The following SLIT3 variants were observed in gnomAD, a reference collection of about 807,000 sequenced individuals.
SLIT3 encodes the protein slit guidance ligand 3.
Under a neutral mutation model 184.0 loss-of-function variants are expected in SLIT3, and 68 were observed. That is an observed-to-expected ratio of 0.37 (90% CI 0.30 to 0.45). SLIT3 has a LOEUF of 0.45. Ranked by LOEUF, SLIT3 falls within the 20% of genes least tolerant of loss-of-function variation. SLIT3 has a pLI of 1.00. For synonymous variants in SLIT3, 831 were observed against 828.6 expected (o/e 1.00, Z -0.05); for missense variants, 1,707 against 2,026.0 (o/e 0.84, Z 3.02).
intron 4 of SLIT3, among the ~76,000 whole-genome samples, chr5:169,181,274 G>T (rs1325749160): frequency 2.0e-5 from 3 of 152,150 alleles, no homozygotes; most frequent in Non-Finnish European, 4.4e-5. Context: ...TTCTCCTATA[G>T]AGAGGTTTTG....
At chr5:168,740,410 A>G (rs558465053) in intron 20 of SLIT3, among the ~76,000 whole-genome samples, 2 of 152,214 alleles carry the variant, frequency 1.3e-5, no homozygotes, top group Non-Finnish European at 2.9e-5. Context: ...TGCCCTTTAG[A>G]GAAATGCTGG....
chr5:168,736,739 A>AGTGCCTGGGCT (rs1561901574), intron 20 of SLIT3, among the ~76,000 whole-genome samples: 27 of 151,574 alleles, frequency 1.8e-4, no homozygotes, highest in African/African-American at 5.6e-4. Flanking sequence ...TGCAATGCAG[A>AGTGCCTGGGCT]TGTCAGTTTT....
rs915685784 is a variant in SLIT3 at position 168,843,142 on chromosome 5, G to A, written c.557+1442C>T. On this transcript the variant is annotated intron_variant, in intron 6 of 35. Coordinates refer to ENST00000519560, the MANE Select transcript of SLIT3 (RefSeq NM_003062.4). ...GTGGGTCCTGTCTTTTCTGGACCGG[G>A]AATTCTCGGCTTTCATCCGATTTCA... 3.3e-5 allele frequency among the ~76,000 whole-genome samples: 5 copies of A among 152,104 alleles called. No individual in the cohort carries two copies. The East Asian group carries it at 5.8e-4, about 18-fold the overall frequency.
rs111563661 is a variant in SLIT3 at position 169,164,080 on chromosome 5, G to A, written c.413+29399C>T. On this transcript the variant is annotated intron_variant, in intron 4 of 35. Transcript: ENST00000519560. ...TGATTTATGTTCTGGAAGGATGTTC[G>A]CAAATCAACATGTTTTGTCTGCTCC... is the stretch of plus-strand genomic sequence containing the variant. Among the ~76,000 whole-genome samples the A allele has an allele frequency of 6.7e-3, 1,019 of 152,266 alleles. 13 individuals are homozygous for A. Among genetic ancestry groups the A allele is most frequent in the Non-Finnish European group, 9.3e-3 (632 of 68,024 alleles).
intron 1 of SLIT3, among the ~76,000 whole-genome samples, chr5:169,280,558 T>C (rs11134568): frequency 0.86 from 131,067 of 152,174 alleles, 56,699 homozygotes; most frequent in Middle Eastern, 0.96. Context: ...AGGAAAAATG[T>C]AGTCTGGGAA....
intron 23 of SLIT3, among the ~76,000 whole-genome samples, chr5:168,713,624 G>A (rs1006930669): frequency 1.3e-4 from 20 of 152,214 alleles, no homozygotes; most frequent in Non-Finnish European, 2.8e-4. Flanking sequence ...TGTTGACAGT[G>A]GAAGTACAGA....
chr5:169,151,281 G>A (rs894786770), intron 4 of SLIT3, among the ~76,000 whole-genome samples: 1 of 152,200 alleles, frequency 6.6e-6, no homozygotes, highest in African/African-American at 2.4e-5. Context: ...GCCTGGGAGT[G>A]TATTTCCCTC....
intron 18 of SLIT3, chr5:168,752,556 G>T: frequency 5.5e-6 from 1 of 183,356 alleles, no homozygotes; most frequent in Non-Finnish European, 1.1e-5. Context: ...CACCATAACT[G>T]GCTAACTTTT....
chr5:168,838,808 G>A (rs138294397), intron 6 of SLIT3, among the ~76,000 whole-genome samples: 4 of 151,992 alleles, frequency 2.6e-5, no homozygotes, highest in South Asian at 4.2e-4. Flanking sequence ...ATCAGGCCAC[G>A]TTGAACCCAC....
chr5:168,904,454 T>C (rs144883988), intron 4 of SLIT3, among the ~76,000 whole-genome samples: 157 of 151,794 alleles, frequency 1.0e-3, no homozygotes, highest in African/African-American at 3.6e-3. Context: ...CTCTCCTCTG[T>C]GGGGCTAATC....
rs114505699 is a variant in SLIT3 at position 168,950,891 on chromosome 5, T to C, written c.414-67555A>G. ...GTGTCGGATTCCATAAGTTGCATAC[T>C]AGCCTTCACAATTCGATATATAAAT... On this transcript the variant is annotated intron_variant, in intron 4 of 35. Coordinates refer to ENST00000519560, the MANE Select transcript of SLIT3 (RefSeq NM_003062.4). Among the ~76,000 whole-genome samples, 714 of 152,320 alleles carry C rather than the reference T, an allele frequency of 4.7e-3. 8 individuals carry two copies. Among genetic ancestry groups the C allele is most frequent in the African/African-American group, 0.016 (665 of 41,576 alleles).
intron 16 of SLIT3, among the ~76,000 whole-genome samples, chr5:168,757,724 C>T (rs908550771): frequency 1.3e-5 from 2 of 152,152 alleles, no homozygotes; most frequent in South Asian, 2.1e-4. Context: ...CGTGAGCCAC[C>T]GTGCCCAACC....
At chr5:169,046,161 T>C (rs1757616278) in intron 4 of SLIT3, among the ~76,000 whole-genome samples, 1 of 152,084 alleles carries the variant, frequency 6.6e-6, no homozygotes, top group African/African-American at 2.4e-5. Flanking sequence ...TTTTGTGCTT[T>C]GGTATAGGTA....
chr5:168,905,721 A>G (rs1235152835), intron 4 of SLIT3, among the ~76,000 whole-genome samples: 1 of 152,230 alleles, frequency 6.6e-6, no homozygotes, highest in Non-Finnish European at 1.5e-5. Flanking sequence ...GTCTGCCTCC[A>G]GAAACTCGTA....
At chr5:169,133,422 G>A (rs1761376665) in intron 4 of SLIT3, among the ~76,000 whole-genome samples, 1 of 152,202 alleles carries the variant, frequency 6.6e-6, no homozygotes, top group African/African-American at 2.4e-5. Flanking sequence ...CCGTTGAGCT[G>A]TGTCATCTAT....
At chr5:168,855,112 C>T (rs781332609) in intron 5 of SLIT3, among the ~76,000 whole-genome samples, 2 of 152,060 alleles carry the variant, frequency 1.3e-5, no homozygotes, top group Non-Finnish European at 2.9e-5. Flanking sequence ...TGTACCTGGC[C>T]CACAGTGCCT....
Position 168,666,651 on chromosome 5 carries a change from G to A in SLIT3, c.4375C>T (p.Arg1459Cys), listed in dbSNP as rs762039118. 32 of 1,614,154 alleles carry A rather than the reference G, an allele frequency of 2.0e-5. No individual in the cohort carries two copies. The East Asian group carries it at 4.0e-4, about 20-fold the overall frequency. Residue 1459 changes from arginine to cysteine, a missense_variant, in exon 36 of 36, where the codon CGC becomes TGC. Arg to Cys is a radical substitution (Grantham distance 180). Coordinates refer to ENST00000519560, the MANE Select transcript of SLIT3 (RefSeq NM_003062.4). ...CATGATGCATAACCTTTCTGGCGGC[G>A]GATCACCTCTCGGACTACTTGTCCC... Reference protein sequence around the residue: ...CLGQVVREVIRRQKGYASCAT... With the variant: ...CLGQVVREVICRQKGYASCAT...
At chr5:168,774,079 T>A (rs1313856262) in intron 13 of SLIT3, among the ~76,000 whole-genome samples, 156 bp downstream of exon 13, 1 of 152,222 alleles carries the variant, frequency 6.6e-6, no homozygotes, top group Admixed American at 6.5e-5. Flanking sequence ...TTGGTACTGA[T>A]AAGCTATTCC....
chr5:168,729,238 A>C (rs1472915621), intron 20 of SLIT3, among the ~76,000 whole-genome samples: 1 of 152,192 alleles, frequency 6.6e-6, no homozygotes, highest in Non-Finnish European at 1.5e-5. Flanking sequence ...GTAATTGATG[A>C]AAATTTCCCA....
Sources: allele counts gnomAD v4.1 joint callset (sites outside exome capture counted in the v4.1 genomes callset), GRCh38; gene constraint gnomAD v4.1.1; transcripts MANE v1.5; gene names NCBI Gene and HGNC (gene_info 2026-07-23, HGNC 2026-07-21).